The following BAHCC1 variants were observed in gnomAD, a reference collection of about 807,000 sequenced individuals.
The protein encoded by BAHCC1 is BAH and coiled-coil domain-containing protein 1.
A neutral mutation model predicts 88.2 loss-of-function variants in BAHCC1; 43 were observed. That is an observed-to-expected ratio of 0.49 (90% confidence interval 0.38 to 0.63). BAHCC1 has a LOEUF of 0.63. Ranked by LOEUF, BAHCC1 falls within the 20% of genes least tolerant of loss-of-function variation. BAHCC1 has a pLI of 0.00. For synonymous variants in BAHCC1, 1,510 were observed against 745.5 expected (o/e 2.03, Z -16.71); for missense variants, 3,023 against 1,654.8 (o/e 1.83, Z -14.34).
intron 3 of BAHCC1, among the ~76,000 whole-genome samples, chr17:81,436,526 G>A (rs1050293777): frequency 6.6e-5 from 10 of 152,210 alleles, no homozygotes; most frequent in Non-Finnish European, 1.5e-4. Flanking sequence ...CCAATTAAAG[G>A]GGGACAGCTG....
At chr17:81,437,151 C>T (rs781791283) in intron 3 of BAHCC1, among the ~76,000 whole-genome samples, 3 of 152,168 alleles carry the variant, frequency 2.0e-5, no homozygotes, top group Non-Finnish European at 4.4e-5. Flanking sequence ...AGGGTGAGGG[C>T]CCCCCGCCCT....
intron 11 of BAHCC1, 34 bp downstream of exon 11, chr17:81,447,882 C>A: frequency 1.4e-6 from 1 of 714,938 alleles, no homozygotes; most frequent in Non-Finnish European, 2.6e-6. Context: ...CCCCCAGAGT[C>A]CCAGCAGTGG....
At position 81,462,968 on chromosome 17, in the gene BAHCC1, G is replaced by A. The variant is rs368602137; in HGVS notation, c.7612G>A (p.Asp2538Asn). 8 of 780,402 alleles carry A rather than the reference G, an allele frequency of 1.0e-5. No homozygotes were observed. Among genetic ancestry groups the A allele is most frequent in the South Asian group, 9.4e-5 (7 of 74,620 alleles). The allele number at this position is 780,402 out of a possible 1,614,324, so 48.3% of individuals were successfully genotyped here. The change falls in exon 27 of 28, where the codon GAC (aspartate) becomes AAC (asparagine). Residue 2538 changes from aspartate (D) to asparagine (N), a missense_variant. Transcript: ENST00000675386. ...GACCAAGCTGGGCAAGAGGCAGTGC[G>A]ACGGCAAGGTGAGGCCCGGACAGGT... The part of the protein sequence containing the change: ...EETKLGKRQC[D>N]GKNALYQSCH...
Position 81,442,390 on chromosome 17 carries a change from C to T in BAHCC1, c.1041C>T (p.Thr347=), listed in dbSNP as rs1555652787. The T allele has an allele frequency of 8.5e-6, 6 of 702,220 alleles. No individual in the cohort carries two copies. Among genetic ancestry groups the T allele is most frequent in the Middle Eastern group, 3.3e-4 (1 of 3,036 alleles). The allele number at this position is 702,220 out of a possible 1,614,324, so 43.5% of individuals were successfully genotyped here. A position where few individuals can be genotyped will look rare whatever the true frequency, so the allele number is the denominator to read the frequency against. ...CLERRQMLHH[T]ASYAGPPPPL... ...AGCGGCGGCAGATGCTACACCACACCGCATCCTACGCCGGGCCACCCCCGC... is the reference window on the plus strand; with the variant it reads ...AGCGGCGGCAGATGCTACACCACACTGCATCCTACGCCGGGCCACCCCCGC... Residue 347 remains threonine (T), a synonymous_variant, in exon 5 of 28, where the codon ACC becomes ACT. Coordinates refer to ENST00000675386, the MANE Select transcript of BAHCC1 (RefSeq NM_001377448.1).
chr17:81,411,790 C>T lies in BAHCC1; in HGVS notation c.178+11873C>T, dbSNP rs1287253490. Among the ~76,000 whole-genome samples, 1 of 152,224 alleles carries T rather than the reference C, an allele frequency of 6.6e-6. No homozygotes were observed. The highest frequency in any genetic ancestry group is 1.5e-5 in the Non-Finnish European group (1 of 68,032). On this transcript the variant is annotated intron_variant, in intron 2 of 27. Transcript: ENST00000675386. This position sits in a 1 kb window ranked among gnomAD's most constrained non-coding sequence, Gnocchi z 6.2. ...TCCCTGGGTCTCTGGGCCTTTGCCTCTACCCACACCTGCACGCCTCAGCAA... is the reference window on the plus strand; with the variant it reads ...TCCCTGGGTCTCTGGGCCTTTGCCTTTACCCACACCTGCACGCCTCAGCAA...
At position 81,453,305 on chromosome 17, in the gene BAHCC1, C is replaced by T. The variant is rs561009389; in HGVS notation, c.4445+454C>T. On this transcript the variant is annotated intron_variant, in intron 14 of 27. Coordinates refer to ENST00000675386, the MANE Select transcript of BAHCC1 (RefSeq NM_001377448.1). ...CCCGGCGCAGTCGTTGGCGCACTCCCGGGCCTGGTATAATTGTCCTTCTCG... is the reference window on the plus strand; with the variant it reads ...CCCGGCGCAGTCGTTGGCGCACTCCTGGGCCTGGTATAATTGTCCTTCTCG... Among the ~76,000 whole-genome samples, 41 of 152,344 alleles carry T rather than the reference C, an allele frequency of 2.7e-4. No homozygotes were observed. In the South Asian group the frequency reaches 5.8e-3, roughly 22 times the overall value.
chr17:81,437,806 C>T (rs2143482173), intron 3 of BAHCC1, among the ~76,000 whole-genome samples: 1 of 151,190 alleles, frequency 6.6e-6, no homozygotes, highest in South Asian at 2.1e-4. Context: ...CCACCCTGTG[C>T]AGATCTCAGA....
chr17:81,457,369 C>G lies in BAHCC1; in HGVS notation c.4859-41C>G, dbSNP rs553934723. 17 of 740,460 alleles carry G rather than the reference C, an allele frequency of 2.3e-5. No homozygotes were observed. The Admixed American group carries it at 3.0e-4, about 13-fold the overall frequency. The allele number at this position is 740,460 out of a possible 1,614,324, so 45.9% of individuals were successfully genotyped here. On this transcript the variant is annotated intron_variant, in intron 16 of 27. Transcript: ENST00000675386. ...CCTCCCCCACCTCTCAATGGCACAG[C>G]TTACCATCAAGTCATCAGGACCCCT...
In BAHCC1 at chr17:81,451,648, G is replaced by C. The variant is rs1555655760; in HGVS notation, c.3977-20G>C. ...GTGTGTGCCCAGTTATGCCCATGCT[G>C]ACCTTCCCATGCCGCACAGAGGAGG... On this transcript the variant is annotated intron_variant, in intron 11 of 27. Coordinates refer to ENST00000675386, the MANE Select transcript of BAHCC1 (RefSeq NM_001377448.1). 1 of 770,118 alleles carries C rather than the reference G, an allele frequency of 1.3e-6. No individual in the cohort carries two copies. The highest frequency in any genetic ancestry group is 2.4e-6 in the Non-Finnish European group (1 of 415,640). The allele number at this position is 770,118 out of a possible 1,614,324, so 47.7% of individuals were successfully genotyped here. A position where few individuals can be genotyped will look rare whatever the true frequency, so the allele number is the denominator to read the frequency against.
rs1054265801 is a variant in BAHCC1, at chr17:81,460,396, T to C, written c.6025T>C (p.Cys2009Arg). The change falls in exon 24 of 28, where the codon TGC (cysteine) becomes CGC (arginine). Residue 2009 changes from cysteine (C) to arginine (R), a missense_variant and splice_region_variant. Cys to Arg is a radical substitution (Grantham distance 180). Coordinates refer to ENST00000675386, the MANE Select transcript of BAHCC1 (RefSeq NM_001377448.1). ...GCTGCCCCCTGACTTCAAGATCCAGTGTGAGCCTGGGAGCTGCACGGGGCA... is the reference window on the plus strand; with the variant it reads ...GCTGCCCCCTGACTTCAAGATCCAGCGTGAGCCTGGGAGCTGCACGGGGCA... Reference protein sequence around the residue: ...RLLPPDFKIQCTEPSPALLVS... With the variant: ...RLLPPDFKIQRTEPSPALLVS... The C allele has an allele frequency of 5.3e-6, 4 of 761,598 alleles. No individual in the cohort carries two copies. The highest frequency in any genetic ancestry group is 5.1e-5 in the African/African-American group (3 of 58,672). 47.2% of individuals were successfully genotyped at this position (761,598 alleles called of 1,614,324 possible).
intron 1 of BAHCC1, among the ~76,000 whole-genome samples, chr17:81,398,372 T>C (rs1555645256): frequency 6.6e-6 from 1 of 152,120 alleles, no homozygotes; most frequent in Non-Finnish European, 1.5e-5. Context: ...AGGTGAGGGT[T>C]ATTTTAGGTG....
chr17:81,407,798 A>G (rs1387112263), intron 2 of BAHCC1, among the ~76,000 whole-genome samples: 2 of 152,168 alleles, frequency 1.3e-5, no homozygotes, highest in African/African-American at 2.4e-5. Flanking sequence ...ATGTGGCAAC[A>G]TACACCTGCT....
chr17:81,423,788 T>C (rs1166407248), intron 2 of BAHCC1, among the ~76,000 whole-genome samples: 1 of 152,186 alleles, frequency 6.6e-6, no homozygotes, highest in Non-Finnish European at 1.5e-5. Context: ...GGGCTGGCCT[T>C]GGCCACTGGA....
At chr17:81,459,738 A>C in intron 23 of BAHCC1, 134 bp downstream of exon 23, 1 of 469,162 alleles carries the variant, frequency 2.1e-6, no homozygotes, top group Non-Finnish European at 4.1e-6. Flanking sequence ...TACGACAATA[A>C]AATGAGCTCC....
chr17:81,442,414 GC>G lies in BAHCC1; in HGVS notation c.1069del (p.Leu357SerfsTer31). On this transcript the variant is annotated frameshift_variant, in exon 5 of 28. Coordinates refer to ENST00000675386, the MANE Select transcript of BAHCC1 (RefSeq NM_001377448.1). LOFTEE classifies it high-confidence loss of function. ...HTASYAGPPP[P>X]LSTAAGSFPC... ...CCGCATCCTACGCCGGGCCACCCCC[GC>G]CCCTCAGCACAGCCGCCGGCTCCTT... 1 of 695,352 alleles carries G rather than the reference GC, an allele frequency of 1.4e-6. No homozygotes were observed. Among genetic ancestry groups the G allele is most frequent in the Admixed American group, 2.1e-5 (1 of 46,572 alleles). The allele number at this position is 695,352 out of a possible 1,614,324, so 43.1% of individuals were successfully genotyped here.
At chr17:81,441,740 TC>T in intron 4 of BAHCC1, 90 bp from the exon 5 acceptor site, 1 of 486,802 alleles carries the variant, frequency 2.1e-6, no homozygotes, top group Non-Finnish European at 3.7e-6. Context: ...CCAGCTGGTG[TC>T]CGGGAGGCAC....
chr17:81,432,434 G>A (rs1477827881), intron 3 of BAHCC1, among the ~76,000 whole-genome samples: 3 of 151,490 alleles, frequency 2.0e-5, no homozygotes, highest in African/African-American at 4.9e-5. Context: ...GGGTGCCGGC[G>A]AAGGTTTTGG....
chr17:81,408,165 T>G (rs1488051493), intron 2 of BAHCC1, among the ~76,000 whole-genome samples: 1 of 152,208 alleles, frequency 6.6e-6, no homozygotes, highest in Non-Finnish European at 1.5e-5. Context: ...CCTGAGCTCT[T>G]GCTCGGCAGG....
intron 2 of BAHCC1, among the ~76,000 whole-genome samples, chr17:81,420,130 G>A (rs2143347891): frequency 6.6e-6 from 1 of 152,312 alleles, no homozygotes; most frequent in South Asian, 2.1e-4. Flanking sequence ...TGGCTCTCCG[G>A]GGAGTCCTGG....
Sources: gnomAD v4.1 joint callset for allele counts (sites outside exome capture counted in the v4.1 genomes callset) on GRCh38, gnomAD v4.1.1 for gene constraint, Gnocchi (gnomAD v3.1) non-coding constraint, MANE v1.5 for transcripts, NCBI Gene and HGNC (gene_info 2026-07-23, HGNC 2026-07-21) for gene names.